The following CDH18 variants were observed in gnomAD, a reference collection of about 807,000 sequenced individuals.
CDH18 encodes the protein cadherin 18.
Under a neutral mutation model 67.9 loss-of-function variants are expected in CDH18, and 31 were observed. That is an observed-to-expected ratio of 0.46 (90% CI 0.34 to 0.62). The LOEUF (loss-of-function observed/expected upper bound fraction) is 0.62, where lower values mean the gene tolerates loss of function less well. CDH18 is among the 20% of genes least tolerant of loss of function. The probability of loss-of-function intolerance (pLI) is 0.01; values close to 1 mark genes in which losing one functional copy is unlikely to be tolerated. For synonymous variants in CDH18, 362 were observed against 347.2 expected (o/e 1.04, Z -0.48); for missense variants, 890 against 975.5 (o/e 0.91, Z 1.17).
chr5:19,903,539 GTGTATA>G (rs1273952309), intron 2 of CDH18, among the ~76,000 whole-genome samples: 6 of 30,502 alleles, frequency 2.0e-4, no homozygotes, highest in Non-Finnish European at 2.5e-4. Flanking sequence ...CTGTGTGTGT[GTGTATA>G]TATATATATA....
intron 2 of CDH18, among the ~76,000 whole-genome samples, chr5:19,895,612 A>T (rs1001512138): frequency 2.0e-5 from 3 of 152,162 alleles, no homozygotes; most frequent in African/African-American, 7.2e-5. Flanking sequence ...AAATAACTGA[A>T]GTGTCCTTCC....
At chr5:20,105,216 A>G (rs1198732255) in intron 2 of CDH18, among the ~76,000 whole-genome samples, 1 of 151,992 alleles carries the variant, frequency 6.6e-6, no homozygotes, top group African/African-American at 2.4e-5. Flanking sequence ...TGAACTCCTG[A>G]CCTCAGCTGA....
intron 1 of CDH18, among the ~76,000 whole-genome samples, chr5:20,567,449 T>C (rs570715690): frequency 1.3e-5 from 2 of 152,132 alleles, no homozygotes; most frequent in Non-Finnish European, 2.9e-5. Context: ...CATGGAGCAA[T>C]GGAATAAGCA....
intron 9 of CDH18, among the ~76,000 whole-genome samples, chr5:19,540,757 C>T (rs1487666037): frequency 6.6e-6 from 1 of 152,068 alleles, no homozygotes; most frequent in African/African-American, 2.4e-5. Flanking sequence ...GCACCAAGTA[C>T]CTAGGCTGCA....
intron 2 of CDH18, among the ~76,000 whole-genome samples, chr5:19,892,950 T>C (rs143143889): frequency 9.4e-4 from 143 of 152,294 alleles, no homozygotes; most frequent in East Asian, 4.3e-3. Flanking sequence ...AGTAATTTGT[T>C]ATGCAGTGCC....
At chr5:20,052,673 C>T (rs575542842) in intron 2 of CDH18, among the ~76,000 whole-genome samples, 4 of 152,026 alleles carry the variant, frequency 2.6e-5, no homozygotes, top group Non-Finnish European at 4.4e-5. Context: ...GTATGTCTCA[C>T]TATCAAAATA....
At chr5:19,774,286 T>C (rs540863231) in intron 3 of CDH18, among the ~76,000 whole-genome samples, 3 of 152,118 alleles carry the variant, frequency 2.0e-5, no homozygotes, top group South Asian at 4.1e-4. Context: ...TAGTGGCTCA[T>C]GCCTATAGTC....
intron 10 of CDH18, among the ~76,000 whole-genome samples, chr5:19,516,164 T>C (rs191720734): frequency 1.7e-4 from 26 of 152,296 alleles, no homozygotes; most frequent in Non-Finnish European, 3.1e-4. Context: ...TTGATTTGCG[T>C]AGGTTGAACC....
chr5:19,716,737 A>T (rs1020683737), intron 5 of CDH18, among the ~76,000 whole-genome samples: 24 of 152,032 alleles, frequency 1.6e-4, no homozygotes, highest in Non-Finnish European at 2.1e-4. Flanking sequence ...AGTGTTGATT[A>T]AAAAAATGTG....
At chr5:19,505,460 T>C (rs934402314) in intron 10 of CDH18, among the ~76,000 whole-genome samples, 5 of 152,312 alleles carry the variant, frequency 3.3e-5, no homozygotes, top group South Asian at 2.1e-4. Context: ...GGGTTTGTCA[T>C]AGATAGCTCT....
At chr5:19,746,238 G>A (rs1581167590) in intron 4 of CDH18, among the ~76,000 whole-genome samples, 1 of 152,264 alleles carries the variant, frequency 6.6e-6, no homozygotes, top group East Asian at 1.9e-4. Context: ...CATTAGGGTG[G>A]CTCAGGTCCT....
intron 2 of CDH18, among the ~76,000 whole-genome samples, chr5:19,929,923 G>A (rs1234044718): frequency 6.6e-6 from 1 of 152,000 alleles, no homozygotes; most frequent in African/African-American, 2.4e-5. Context: ...TCTGCAGCAG[G>A]AAAAACGTTG....
chr5:20,106,866 T>C (rs529562452), intron 2 of CDH18, among the ~76,000 whole-genome samples: 44 of 152,162 alleles, frequency 2.9e-4, no homozygotes, highest in Admixed American at 2.4e-3. Flanking sequence ...AGTTAGATAA[T>C]GAAGCTAATA....
chr5:20,324,335 G>C (rs112766939), intron 1 of CDH18, among the ~76,000 whole-genome samples: 16,578 of 151,978 alleles, frequency 0.11, 1,501 homozygotes, highest in East Asian at 0.37. Context: ...GTCAGGAGAT[G>C]GAGACCATCC....
At chr5:19,904,938 T>A (rs993708822) in intron 2 of CDH18, among the ~76,000 whole-genome samples, 19 of 152,250 alleles carry the variant, frequency 1.2e-4, no homozygotes, top group East Asian at 1.2e-3. Flanking sequence ...CAGAGTACAG[T>A]CTTAAATGCA....
intron 1 of CDH18, among the ~76,000 whole-genome samples, chr5:20,552,569 A>T (rs1298147053): frequency 6.6e-6 from 1 of 152,204 alleles, no homozygotes; most frequent in Non-Finnish European, 1.5e-5. Context: ...GAAAAAATAA[A>T]TTATTGATCA....
chr5:19,490,198 T>A (rs1741174929), intron 11 of CDH18, among the ~76,000 whole-genome samples: 1 of 151,954 alleles, frequency 6.6e-6, no homozygotes, highest in Non-Finnish European at 1.5e-5. Flanking sequence ...TATAATTCTA[T>A]TTTTAAAATA....
chr5:19,873,738 C>A (rs915527071), intron 2 of CDH18, among the ~76,000 whole-genome samples: 2 of 152,200 alleles, frequency 1.3e-5, no homozygotes, highest in Middle Eastern at 3.4e-3. Flanking sequence ...ACCTCTGCCC[C>A]CCAGGTTCAA....
At chr5:19,751,940 T>G (rs1770902985) in intron 3 of CDH18, among the ~76,000 whole-genome samples, 1 of 151,920 alleles carries the variant, frequency 6.6e-6, no homozygotes, top group African/African-American at 2.4e-5. Context: ...ATCCTGAGAG[T>G]ACTCGCAGAC....
Sources: allele counts gnomAD v4.1 joint callset (sites outside exome capture counted in the v4.1 genomes callset), GRCh38; gene constraint gnomAD v4.1.1; transcripts MANE v1.5; gene names NCBI Gene and HGNC (gene_info 2026-07-23, HGNC 2026-07-21).